Variants in ADAMTS5 observed in about 807,000 individuals in gnomAD.
The protein encoded by ADAMTS5 is ADAM metallopeptidase with thrombospondin type 1 motif 5.
ADAMTS5 carries 54 observed loss-of-function variants against 81.4 expected under a neutral mutation model. The ratio of observed to expected loss-of-function variants is 0.66; its 90% confidence interval spans 0.53 to 0.83. ADAMTS5 has a LOEUF of 0.83. Among genes scored for constraint, ADAMTS5 ranks in the 40% least tolerant of loss-of-function variants. The pLI is 0.00. For synonymous variants in ADAMTS5, 532 were observed against 508.8 expected (o/e 1.05, Z -0.61); for missense variants, 1,194 against 1,229.9 (o/e 0.97, Z 0.44).
chr21:26,926,651 G>C (rs1033917656), intron 7 of ADAMTS5, among the ~76,000 whole-genome samples: 31 of 143,636 alleles, frequency 2.2e-4, no homozygotes, highest in Non-Finnish European at 3.4e-4. Flanking sequence ...CTGGGCAACA[G>C]AGTGAGACCC....
intron 4 of ADAMTS5, among the ~76,000 whole-genome samples, chr21:26,933,837 G>A (rs1986960170): frequency 1.3e-5 from 2 of 152,314 alleles, no homozygotes; most frequent in South Asian, 4.1e-4. Flanking sequence ...TACAGGCAAT[G>A]GGCACAGGAT....
Position 26,965,699 on chromosome 21 carries a change from G to A in ADAMTS5, c.693C>T (p.Arg231=), listed in dbSNP as rs1601024659. The A allele has an allele frequency of 6.3e-7, 1 of 1,581,432 alleles. No individual in the cohort carries two copies. The highest frequency in any genetic ancestry group is 8.6e-7 in the Non-Finnish European group (1 of 1,166,036). Reference sequence around the variant, plus strand: ...CCAAGAGCTGCGAGGCCAGTGCTGCGCGTCCGCTCGGGTTGCTGTGCGCCG... The same window carrying A: ...CCAAGAGCTGCGAGGCCAGTGCTGCACGTCCGCTCGGGTTGCTGTGCGCCG... The part of the protein sequence containing the change: ...HAPAHSNPSG[R]AALASQLLDQ... Residue 231 remains arginine (R), a synonymous_variant, in exon 1 of 8, where the codon CGC becomes CGT. Coordinates refer to ENST00000284987, the MANE Select transcript of ADAMTS5 (RefSeq NM_007038.5).
At chr21:26,930,420 A>G (rs1218125006) in intron 6 of ADAMTS5, among the ~76,000 whole-genome samples, 1 of 152,238 alleles carries the variant, frequency 6.6e-6, no homozygotes, top group Non-Finnish European at 1.5e-5. Flanking sequence ...GCAGAACTGA[A>G]TATGAGCAGG....
Position 26,921,277 on chromosome 21 carries a change from C to T in ADAMTS5, c.*2776G>A, listed in dbSNP as rs539508481. 106 of 152,192 alleles carry T rather than the reference C, an allele frequency of 7.0e-4. No individual in the cohort carries two copies. Among genetic ancestry groups the T allele is most frequent in the African/African-American group, 2.4e-3 (99 of 41,428 alleles). The allele number at this position is 152,192 out of a possible 1,614,324, so 9.4% of individuals were successfully genotyped here. On this transcript the variant is annotated 3_prime_UTR_variant, in exon 8 of 8. Transcript: ENST00000284987. ...TTTATTGAATAAATTATAACAATGC[C>T]CACATATTTCTAAACAGCAAGGCAG...
chr21:26,918,130 A>ATGC lies in ADAMTS5; in HGVS notation c.*5920_*5922dup, dbSNP rs1986616658. The ATGC allele has an allele frequency of 6.6e-6, 1 of 152,428 alleles. No homozygotes were observed. The highest frequency in any genetic ancestry group is 6.6e-5 in the Admixed American group (1 of 15,246). The allele number at this position is 152,428 out of a possible 1,614,324, so 9.4% of individuals were successfully genotyped here. ...GGAATGCAGGCTACAAGACACAGTA[A>ATGC]TGCTTTAAATAGTTGATTAAGATTT... On this transcript the variant is annotated 3_prime_UTR_variant, in exon 8 of 8. Transcript: ENST00000284987.
At chr21:26,946,799 AG>A (rs1987224330) in intron 2 of ADAMTS5, among the ~76,000 whole-genome samples, 1 of 152,182 alleles carries the variant, frequency 6.6e-6, no homozygotes, top group South Asian at 2.1e-4. Flanking sequence ...GAGTTAGTTG[AG>A]GGTGAGGTTT....
At chr21:26,963,693 T>C (rs1205885602) in intron 1 of ADAMTS5, among the ~76,000 whole-genome samples, 2 of 78,984 alleles carry the variant, frequency 2.5e-5, no homozygotes, top group Non-Finnish European at 2.7e-5. Flanking sequence ...AAAAAGAGCT[T>C]GGAAACCTAA....
rs1385748763 is a variant in ADAMTS5, at chr21:26,966,786, G to C, written c.-395C>G. Among the ~76,000 whole-genome samples, 1 of 152,174 alleles carries C rather than the reference G, an allele frequency of 6.6e-6. No individual in the cohort carries two copies. The highest frequency in any genetic ancestry group is 1.5e-5 in the Non-Finnish European group (1 of 68,034). On this transcript the variant is annotated 5_prime_UTR_variant, in exon 1 of 8. Transcript: ENST00000284987. ...AGTAAGGAAAGGTACCGCGCACCGG[G>C]CTGGCAACTGGTGCGCGCAGCCTCC...
At chr21:26,957,252 A>C (rs1987443637) in intron 1 of ADAMTS5, among the ~76,000 whole-genome samples, 1 of 152,252 alleles carries the variant, frequency 6.6e-6, no homozygotes, top group Non-Finnish European at 1.5e-5. Context: ...TTATAGGTGT[A>C]AACCTTATTT....
At chr21:26,958,631 C>T (rs1347144507) in intron 1 of ADAMTS5, among the ~76,000 whole-genome samples, 2 of 152,214 alleles carry the variant, frequency 1.3e-5, no homozygotes, top group African/African-American at 4.8e-5. Context: ...GAGATCCAGA[C>T]GTGTTTATTC....
At chr21:26,926,807 G>A (rs1029023597) in intron 7 of ADAMTS5, among the ~76,000 whole-genome samples, 2 of 152,154 alleles carry the variant, frequency 1.3e-5, no homozygotes, top group Non-Finnish European at 2.9e-5. Flanking sequence ...TATGTGCAGA[G>A]TTTAAATGAT....
At position 26,954,742 on chromosome 21, in the gene ADAMTS5, T is replaced by C; in HGVS notation, c.1234A>G (p.Ile412Val). ...GAAAAGAAAAGGCGCTGCATACCGA[T>C]TTCGTGAGCCACAGTGAAGGCTGCG... ...LHAAFTVAHE[I>V]GHLLGLSHDD... The change falls in exon 2 of 8, where the codon ATC (isoleucine) becomes GTC (valine). Residue 412 changes from isoleucine to valine, a missense_variant. By Grantham distance (29) the Ile-to-Val change is conservative. Coordinates refer to ENST00000284987, the MANE Select transcript of ADAMTS5 (RefSeq NM_007038.5). The C allele has an allele frequency of 1.2e-6, 2 of 1,613,802 alleles. No homozygotes were observed. Among genetic ancestry groups the C allele is most frequent in the Non-Finnish European group, 1.7e-6 (2 of 1,179,882 alleles).
intron 3 of ADAMTS5, among the ~76,000 whole-genome samples, chr21:26,936,481 C>A (rs893197096): frequency 2.6e-5 from 4 of 151,966 alleles, no homozygotes; most frequent in African/African-American, 4.8e-5. Context: ...TCCTTATGTG[C>A]CACTGAGAAA....
At chr21:26,964,604 AGTT>A (rs1307180148) in intron 1 of ADAMTS5, among the ~76,000 whole-genome samples, 2 of 152,152 alleles carry the variant, frequency 1.3e-5, no homozygotes, top group African/African-American at 4.8e-5. Flanking sequence ...TAAGCAAAGG[AGTT>A]GTTAAGGAAC....
At chr21:26,964,318 C>A (rs901627849) in intron 1 of ADAMTS5, among the ~76,000 whole-genome samples, 7 of 152,210 alleles carry the variant, frequency 4.6e-5, no homozygotes, top group African/African-American at 1.7e-4. Flanking sequence ...AAATGTCACA[C>A]TAACGTAGTG....
chr21:26,932,993 G>A lies in ADAMTS5; in HGVS notation c.1741C>T (p.Arg581Cys), dbSNP rs200886341. 42 of 1,613,894 alleles carry A rather than the reference G, an allele frequency of 2.6e-5. No homozygotes were observed. In the African/African-American group the frequency reaches 3.5e-4, roughly 13 times the overall value. ...AACTGCACTCCTCCTCCACATGAGC[G>A]AGAACACTGGCCCCAGGATCCCCAA... ...GSWGSWGQCS[R>C]SCGGGVQFAY... The change falls in exon 5 of 8, where the codon CGC becomes TGC. Residue 581 changes from arginine to cysteine, a missense_variant. Physicochemically the swap from Arg to Cys is radical, Grantham distance 180. Coordinates refer to ENST00000284987, the MANE Select transcript of ADAMTS5 (RefSeq NM_007038.5).
intron 3 of ADAMTS5, among the ~76,000 whole-genome samples, chr21:26,935,523 A>G (rs531859234): frequency 1.3e-5 from 2 of 152,256 alleles, no homozygotes; most frequent in African/African-American, 2.4e-5. Flanking sequence ...ATTTAGGATT[A>G]AGTTAGTCTT....
intron 3 of ADAMTS5, among the ~76,000 whole-genome samples, chr21:26,938,277 G>A (rs1987052107): frequency 6.6e-6 from 1 of 151,804 alleles, no homozygotes; most frequent in South Asian, 2.1e-4. Context: ...AAAGTCAATA[G>A]GAATGTGTGC....
At chr21:26,933,223 A>G (rs1169687979) in intron 4 of ADAMTS5, among the ~76,000 whole-genome samples, 179 bp from the exon 5 acceptor site, 1 of 152,160 alleles carries the variant, frequency 6.6e-6, no homozygotes, top group Non-Finnish European at 1.5e-5. Flanking sequence ...GTGCTAAGCA[A>G]TTCATCTTTT....
Sources: gnomAD v4.1 joint callset for allele counts (sites outside exome capture counted in the v4.1 genomes callset) on GRCh38, gnomAD v4.1.1 for gene constraint, MANE v1.5 for transcripts, NCBI Gene and HGNC (gene_info 2026-07-23, HGNC 2026-07-21) for gene names.